PAWR: variants seen among roughly 807,000 people sequenced by gnomAD.
The protein encoded by PAWR is PRKC apoptosis WT1 regulator protein.
Under a neutral mutation model 32.0 loss-of-function variants are expected in PAWR, and 23 were observed. The observed-to-expected ratio is 0.72, with a 90% CI of 0.52 to 1.02. PAWR has a LOEUF of 1.02. PAWR is among the 50% of genes least tolerant of loss of function. The pLI, the probability that PAWR is intolerant of heterozygous loss-of-function variation, is 0.00. For missense variants in PAWR, 457 were observed against 437.7 expected, an observed-to-expected ratio of 1.04 and a Z score of -0.39; for synonymous variants, 226 against 187.1, an observed-to-expected ratio of 1.21 and a Z score of -1.70.
intron 2 of PAWR, among the ~76,000 whole-genome samples, chr12:79,680,914 G>A (rs1878409300): frequency 6.6e-6 from 1 of 151,872 alleles, no homozygotes; most frequent in African/African-American, 2.4e-5. Context: ...GCGTGTAGGA[G>A]TTCAAGACCA....
In PAWR at chr12:79,591,271, T is replaced by TC. The variant is rs1873546552; in HGVS notation, c.*1335dup. 1 of 152,170 alleles carries TC rather than the reference T, an allele frequency of 6.6e-6. No homozygotes were observed. The highest frequency in any genetic ancestry group is 1.5e-5 in the Non-Finnish European group (1 of 68,026). The allele number at this position is 152,170 out of a possible 1,614,324, so 9.4% of individuals were successfully genotyped here. ...TTTACTCCACATTTTCCCCCAGCTGTCTCACCTTCTCTATTTTTCTAACAG... is the reference window on the plus strand; with the variant it reads ...TTTACTCCACATTTTCCCCCAGCTGTCCTCACCTTCTCTATTTTTCTAACAG... On this transcript the variant is annotated 3_prime_UTR_variant, in exon 7 of 7. Coordinates refer to ENST00000328827, the MANE Select transcript of PAWR (RefSeq NM_002583.4).
rs561436462 is a variant in PAWR, at chr12:79,614,103, C to T, written c.649-494G>A. On this transcript the variant is annotated intron_variant, in intron 3 of 6. Transcript: ENST00000328827. ...TGGGCTCACCGCAACCTCTGCCTCCCGGGTTCAAGTGATTCTCCTGCCTCA... is the reference window on the plus strand; with the variant it reads ...TGGGCTCACCGCAACCTCTGCCTCCTGGGTTCAAGTGATTCTCCTGCCTCA... 2.0e-4 allele frequency among the ~76,000 whole-genome samples: 27 copies of T among 137,944 alleles called. No individual in the cohort carries two copies. In the South Asian group the frequency reaches 6.4e-3, roughly 33 times the overall value. 90.5% of individuals were successfully genotyped at this position (137,944 alleles called of 152,430 possible).
chr12:79,668,664 T>TCTAA (rs567391039), intron 2 of PAWR, among the ~76,000 whole-genome samples: 3 of 152,288 alleles, frequency 2.0e-5, no homozygotes, highest in African/African-American at 7.2e-5. Context: ...CCTATGAGAA[T>TCTAA]CTAAGGGTGC....
At chr12:79,632,294 T>A (rs1379109657) in intron 2 of PAWR, 3 of 48,614 alleles carry the variant, frequency 6.2e-5, no homozygotes, top group Admixed American at 2.9e-4. Context: ...TAGAAATATA[T>A]ACATATATAT....
intron 2 of PAWR, among the ~76,000 whole-genome samples, chr12:79,627,507 T>C (rs1875396408): frequency 6.6e-6 from 1 of 152,168 alleles, no homozygotes; most frequent in African/African-American, 2.4e-5. Flanking sequence ...GTCACATGAG[T>C]AGGTTGCAAA....
chr12:79,607,496 A>C (rs934485952), intron 4 of PAWR, among the ~76,000 whole-genome samples: 1 of 152,146 alleles, frequency 6.6e-6, no homozygotes, highest in Non-Finnish European at 1.5e-5. Flanking sequence ...TGGGAGGCCA[A>C]GACAGGCAGA....
At chr12:79,595,709 G>A (rs760323059) in intron 5 of PAWR, among the ~76,000 whole-genome samples, 1 of 151,962 alleles carries the variant, frequency 6.6e-6, no homozygotes, top group Non-Finnish European at 1.5e-5. Context: ...AGAATTAGCC[G>A]GGCTTGGTGG....
chr12:79,654,543 C>T (rs1169896903), intron 2 of PAWR, among the ~76,000 whole-genome samples: 2 of 152,216 alleles, frequency 1.3e-5, no homozygotes, highest in East Asian at 1.9e-4. Context: ...GCCTAGTTCT[C>T]GTAGAGACTT....
At chr12:79,644,632 A>C (rs1036487980) in intron 2 of PAWR, among the ~76,000 whole-genome samples, 12 of 152,206 alleles carry the variant, frequency 7.9e-5, no homozygotes, top group African/African-American at 2.7e-4. Flanking sequence ...ATCTGTGAGC[A>C]AAGATAGAAA....
At chr12:79,632,354 TA>T (rs1789761867) in intron 2 of PAWR, among the ~76,000 whole-genome samples, 62 of 52,082 alleles carry the variant, frequency 1.2e-3, no homozygotes, top group Non-Finnish European at 1.7e-3. Context: ...TATATATATA[TA>T]TATATATTTT....
intron 2 of PAWR, among the ~76,000 whole-genome samples, chr12:79,664,593 T>A (rs1023768237): frequency 4.0e-5 from 6 of 149,302 alleles, no homozygotes; most frequent in Admixed American, 2.0e-4. Context: ...TTTCAAAAGG[T>A]AGTATTAAAA....
rs567728175 is a variant in PAWR, at chr12:79,590,027, G to C, written c.*2580C>G. 6.6e-6 allele frequency: 1 copy of C among 152,114 alleles called. No individual in the cohort carries two copies. The highest frequency in any genetic ancestry group is 2.4e-5 in the African/African-American group (1 of 41,508). 9.4% of individuals were successfully genotyped at this position (152,114 alleles called of 1,614,324 possible). ...TTTTCAATGGTTAGTGTAAAATTCT[G>C]TATGTAAAATAAGTACATATTTTGA... On this transcript the variant is annotated 3_prime_UTR_variant, in exon 7 of 7. Coordinates refer to ENST00000328827, the MANE Select transcript of PAWR (RefSeq NM_002583.4).
chr12:79,585,066 G>A lies in PAWR; in HGVS notation c.*7541C>T. The A allele has an allele frequency of 2.5e-6, 1 of 392,356 alleles. No homozygotes were observed. Among genetic ancestry groups the A allele is most frequent in the Non-Finnish European group, 4.9e-6 (1 of 203,530 alleles). 24.3% of individuals were successfully genotyped at this position (392,356 alleles called of 1,614,324 possible). On this transcript the variant is annotated 3_prime_UTR_variant, in exon 7 of 7. Coordinates refer to ENST00000328827, the MANE Select transcript of PAWR (RefSeq NM_002583.4). ...GTTTCAGAAAGAATACTAAATTAAT[G>A]GGGGTTATGTCAGGATGCCAATGTC...
At chr12:79,612,905 G>T (rs748863092) in intron 4 of PAWR, among the ~76,000 whole-genome samples, 1 of 152,306 alleles carries the variant, frequency 6.6e-6, no homozygotes, top group South Asian at 2.1e-4. Context: ...TACTCATTGT[G>T]TACAGGTGGT....
chr12:79,685,001 G>A (rs1479325261), intron 2 of PAWR, among the ~76,000 whole-genome samples: 1 of 152,200 alleles, frequency 6.6e-6, no homozygotes, highest in Non-Finnish European at 1.5e-5. Context: ...GGGCTGTGGT[G>A]AGAATTAAAT....
chr12:79,670,629 T>C (rs1276984774), intron 2 of PAWR, among the ~76,000 whole-genome samples: 2 of 152,124 alleles, frequency 1.3e-5, no homozygotes, highest in Non-Finnish European at 2.9e-5. Context: ...ATTTACAAAA[T>C]ATCAAGGTAA....
intron 4 of PAWR, among the ~76,000 whole-genome samples, chr12:79,612,818 G>A (rs1416710352): frequency 1.3e-5 from 2 of 152,090 alleles, no homozygotes; most frequent in Non-Finnish European, 2.9e-5. Context: ...CACCTCCACT[G>A]AAAAACTTCT....
At chr12:79,653,055 T>G (rs1876926528) in intron 2 of PAWR, among the ~76,000 whole-genome samples, 1 of 152,256 alleles carries the variant, frequency 6.6e-6, no homozygotes, top group African/African-American at 2.4e-5. Flanking sequence ...GTTTGTTTGT[T>G]TTTTTGAGAC....
At chr12:79,672,096 C>T (rs1877931777) in intron 2 of PAWR, among the ~76,000 whole-genome samples, 1 of 152,146 alleles carries the variant, frequency 6.6e-6, no homozygotes, top group Non-Finnish European at 1.5e-5. Context: ...ATTCCATACG[C>T]AATCCCGTCT....
Sources: allele counts gnomAD v4.1 joint callset (sites outside exome capture counted in the v4.1 genomes callset), GRCh38; gene constraint gnomAD v4.1.1; transcripts MANE v1.5; gene names NCBI Gene and HGNC (gene_info 2026-07-23, HGNC 2026-07-21).